Variants in JMJD1C observed in about 807,000 individuals in gnomAD.
JMJD1C encodes the protein jumonji domain-containing protein 1C.
JMJD1C carries 31 observed loss-of-function variants against 245.3 expected under a neutral mutation model. That is an observed-to-expected ratio of 0.13 (90% confidence interval 0.09 to 0.17). The LOEUF is 0.17. JMJD1C is among the 10% of genes least tolerant of loss of function. The pLI is 1.00. For synonymous variants in JMJD1C, 1,057 were observed against 1,017.4 expected, an observed-to-expected ratio of 1.04 and a Z score of -0.74; for missense variants, 2,691 against 3,000.2, an observed-to-expected ratio of 0.90 and a Z score of 2.41.
At chr10:63,474,441 A>G (rs1589811142) in intron 1 of JMJD1C, among the ~76,000 whole-genome samples, 1 of 150,790 alleles carries the variant, frequency 6.6e-6, no homozygotes. Context: ...AAATAAAAAC[A>G]CCTTTTTTTT....
intron 1 of JMJD1C, among the ~76,000 whole-genome samples, chr10:63,415,135 T>C (rs542372802): frequency 2.6e-4 from 40 of 152,180 alleles, no homozygotes; most frequent in Non-Finnish European, 5.0e-4. Flanking sequence ...TGTAAACATA[T>C]AGTTACTTAG....
rs573018288 is a variant in JMJD1C, at chr10:63,517,975, T to C, written n.113+3763A>G. ...GCCCAGCTAATTTTTGTATTTTTAGTAGAGATGAGGTCTTGCCACATTGGC... is the reference window on the plus strand; with the variant it reads ...GCCCAGCTAATTTTTGTATTTTTAGCAGAGATGAGGTCTTGCCACATTGGC... On this transcript the variant is annotated intron_variant and non_coding_transcript_variant, in intron 1 of 3. Coordinates refer to the JMJD1C transcript ENST00000633035. Among the ~76,000 whole-genome samples the C allele has an allele frequency of 2.6e-5, 4 of 152,248 alleles. No homozygotes were observed. The South Asian group carries it at 6.2e-4, about 24-fold the overall frequency.
chr10:63,417,887 A>G (rs1055594210), intron 1 of JMJD1C, among the ~76,000 whole-genome samples: 5 of 152,224 alleles, frequency 3.3e-5, no homozygotes, highest in African/African-American at 1.2e-4. Flanking sequence ...TGTGTAACAT[A>G]GACAAGTTTT....
intron 3 of JMJD1C, among the ~76,000 whole-genome samples, chr10:63,241,746 A>G (rs980727980): frequency 6.6e-6 from 1 of 152,162 alleles, no homozygotes; most frequent in African/African-American, 2.4e-5. Flanking sequence ...TATGCTAAAC[A>G]GTTATTTTGT....
At chr10:63,302,275 T>C (rs906763562) in intron 2 of JMJD1C, among the ~76,000 whole-genome samples, 1 of 152,176 alleles carries the variant, frequency 6.6e-6, no homozygotes, top group Admixed American at 6.5e-5. Context: ...AATAAATGCA[T>C]GTAGACTGGA....
intron 1 of JMJD1C, among the ~76,000 whole-genome samples, chr10:63,471,070 A>G (rs988704683): frequency 6.6e-5 from 10 of 152,202 alleles, no homozygotes; most frequent in African/African-American, 2.4e-4. Flanking sequence ...TTCTCTGTTC[A>G]TCATCCCTAT....
At chr10:63,511,289 C>A (rs1452741281) in intron 1 of JMJD1C, among the ~76,000 whole-genome samples, 1 of 152,180 alleles carries the variant, frequency 6.6e-6, no homozygotes, top group Non-Finnish European at 1.5e-5. Context: ...TTTAACTGAG[C>A]ACATTATATG....
At chr10:63,486,605 TA>T (rs772197217) in intron 1 of JMJD1C, among the ~76,000 whole-genome samples, 11 of 152,116 alleles carry the variant, frequency 7.2e-5, no homozygotes, top group Non-Finnish European at 1.3e-4. Context: ...CTCTCTCATC[TA>T]AAAAAACAAC....
At chr10:63,410,084 C>CT (rs1949396315) in intron 1 of JMJD1C, among the ~76,000 whole-genome samples, 1 of 152,116 alleles carries the variant, frequency 6.6e-6, no homozygotes, top group African/African-American at 2.4e-5. Flanking sequence ...CTCACTGCCC[C>CT]TTCCTAAATG....
At chr10:63,344,781 C>G (rs1209999747) in intron 2 of JMJD1C, among the ~76,000 whole-genome samples, 1 of 152,000 alleles carries the variant, frequency 6.6e-6, no homozygotes, top group Non-Finnish European at 1.5e-5. Context: ...TATTCAATAC[C>G]TATTACCACA....
intron 21 of JMJD1C, 61 bp from the exon 22 acceptor site, chr10:63,183,630 G>A (rs1211804945): frequency 1.0e-6 from 1 of 997,356 alleles, no homozygotes; most frequent in African/African-American, 1.7e-5. Context: ...AGCATAATCA[G>A]ATATTCCCCC....
intron 1 of JMJD1C, among the ~76,000 whole-genome samples, chr10:63,449,040 CCAGGAGGCAGA>C (rs1951875390): frequency 1.3e-5 from 2 of 151,898 alleles, no homozygotes; most frequent in African/African-American, 4.8e-5. Context: ...TCACTTGAAC[CCAGGAGGCAGA>C]GGCTGCAGTG....
At chr10:63,344,170 A>T (rs1163606271) in intron 2 of JMJD1C, among the ~76,000 whole-genome samples, 1 of 152,208 alleles carries the variant, frequency 6.6e-6, no homozygotes, top group African/African-American at 2.4e-5. Flanking sequence ...GCCTACAGCA[A>T]CTTCCAGTCT....
At chr10:63,221,004 A>G (rs1848536994) in intron 3 of JMJD1C, among the ~76,000 whole-genome samples, 1 of 151,602 alleles carries the variant, frequency 6.6e-6, no homozygotes, top group Non-Finnish European at 1.5e-5. Context: ...CCAGCTACTG[A>G]GGATGCTGAG....
At chr10:63,510,965 C>T (rs1954855642) in intron 1 of JMJD1C, among the ~76,000 whole-genome samples, 1 of 152,190 alleles carries the variant, frequency 6.6e-6, no homozygotes. Flanking sequence ...ACGTACAGTG[C>T]TCTGAAGTCT....
At chr10:63,446,571 T>C (rs1025337277) in intron 1 of JMJD1C, among the ~76,000 whole-genome samples, 6 of 152,028 alleles carry the variant, frequency 3.9e-5, no homozygotes, top group African/African-American at 1.2e-4. Flanking sequence ...CCTTAAAGGA[T>C]TGTAGATATG....
chr10:63,388,612 C>T (rs1947810221), intron 1 of JMJD1C, among the ~76,000 whole-genome samples: 1 of 152,040 alleles, frequency 6.6e-6, no homozygotes, highest in Non-Finnish European at 1.5e-5. Context: ...TACAGAAAAC[C>T]ACCAAACCAC....
Position 63,167,600 on chromosome 10 carries a change from G to A in JMJD1C, c.*445C>T, listed in dbSNP as rs1413359262. The A allele has an allele frequency of 6.5e-6, 1 of 153,496 alleles. No homozygotes were observed. The highest frequency in any genetic ancestry group is 1.5e-5 in the Non-Finnish European group (1 of 68,690). 9.5% of individuals were successfully genotyped at this position (153,496 alleles called of 1,614,324 possible). A position where few individuals can be genotyped will look rare whatever the true frequency, so the allele number is the denominator to read the frequency against. ...TATGACATGACTGCTGTGCGATTCA[G>A]CAATTTCCCAGATGCAGGCAATAGC... On this transcript the variant is annotated 3_prime_UTR_variant, in exon 26 of 26. Transcript: ENST00000399262.
At chr10:63,413,985 CTTTTTTTT>C (rs397846162) in intron 1 of JMJD1C, among the ~76,000 whole-genome samples, 2 of 132,034 alleles carry the variant, frequency 1.5e-5, no homozygotes, top group East Asian at 2.1e-4. Flanking sequence ...GCTATCAATA[CTTTTTTTT>C]TTTTTTTTTT....
Sources: gnomAD v4.1 joint callset for allele counts (sites outside exome capture counted in the v4.1 genomes callset) on GRCh38, gnomAD v4.1.1 for gene constraint, MANE v1.5 for transcripts, NCBI Gene and HGNC (gene_info 2026-07-23, HGNC 2026-07-21) for gene names.